STXBP6: variants seen among roughly 807,000 people sequenced by gnomAD.
The protein encoded by STXBP6 is syntaxin-binding protein 6.
STXBP6 carries 21 observed loss-of-function variants against 26.9 expected under a neutral mutation model. The observed-to-expected ratio is 0.78, with a 90% confidence interval of 0.55 to 1.12. STXBP6 has a LOEUF of 1.12. STXBP6 is among the 50% of genes most tolerant of loss of function. STXBP6 has a pLI of 0.00. For missense variants in STXBP6, 232 were observed against 257.9 expected, an observed-to-expected ratio of 0.90 and a Z score of 0.69; for synonymous variants, 97 against 92.6, an observed-to-expected ratio of 1.05 and a Z score of -0.27.
intron 1 of STXBP6, among the ~76,000 whole-genome samples, chr14:25,008,419 G>A (rs2074953363): frequency 6.6e-6 from 1 of 152,132 alleles, no homozygotes; most frequent in African/African-American, 2.4e-5. Context: ...AAGAGGTCGA[G>A]GCTGTAGTGA....
chr14:24,944,681 A>G (rs2072918040), intron 2 of STXBP6, among the ~76,000 whole-genome samples: 1 of 152,174 alleles, frequency 6.6e-6, no homozygotes, highest in African/African-American at 2.4e-5. Flanking sequence ...TCATCACTAC[A>G]CTAGACTATG....
At chr14:24,847,726 A>G (rs2069011614) in intron 4 of STXBP6, among the ~76,000 whole-genome samples, 1 of 152,176 alleles carries the variant, frequency 6.6e-6, no homozygotes, top group Non-Finnish European at 1.5e-5. Flanking sequence ...TTGGTGGAAA[A>G]GGAATATTTC....
At chr14:25,003,746 T>G (rs2074823005) in intron 1 of STXBP6, among the ~76,000 whole-genome samples, 1 of 151,714 alleles carries the variant, frequency 6.6e-6, no homozygotes, top group Non-Finnish European at 1.5e-5. Context: ...CCTTCTTAAA[T>G]CTCATGCTGG....
In STXBP6 at chr14:24,811,055, T is replaced by C. The variant is rs1383651525; in HGVS notation, c.*1654A>G. On this transcript the variant is annotated 3_prime_UTR_variant, in exon 6 of 6. Transcript: ENST00000323944. ...ACCAAAAAGAAAGTATAAAATATTA[T>C]AGTTAACTTATACAGTTTATTAAAT... is the stretch of plus-strand genomic sequence containing the variant. The C allele has an allele frequency of 4.6e-5, 7 of 152,178 alleles. 1 individual carries two copies. Among genetic ancestry groups the C allele is most frequent in the Admixed American group, 1.3e-4 (2 of 15,282 alleles). The allele number at this position is 152,178 out of a possible 1,614,324, so 9.4% of individuals were successfully genotyped here. A position where few individuals can be genotyped will look rare whatever the true frequency, so the allele number is the denominator to read the frequency against.
Position 25,049,926 on chromosome 14 carries a change from C to T in STXBP6, c.-81G>A. 1 of 970,590 alleles carries T rather than the reference C, an allele frequency of 1.0e-6. No individual in the cohort carries two copies. Among genetic ancestry groups the T allele is most frequent in the Non-Finnish European group, 1.2e-6 (1 of 816,550 alleles). 60.1% of individuals were successfully genotyped at this position (970,590 alleles called of 1,614,324 possible). On this transcript the variant is annotated 5_prime_UTR_variant, in exon 1 of 6. Coordinates refer to ENST00000323944, the MANE Select transcript of STXBP6 (RefSeq NM_001394410.1). The surrounding 1 kb of genome is among the most constrained non-coding windows in gnomAD (Gnocchi z 5.6). The stretch of plus-strand genomic sequence containing the variant: ...GCCGTGCCAGTGCGCGGCACGCGTC[C>T]CAGAGCACGAGGCTCCTCCCCGGGG...
intron 2 of STXBP6, among the ~76,000 whole-genome samples, chr14:24,935,436 T>C (rs569415371): frequency 6.6e-6 from 1 of 152,238 alleles, no homozygotes; most frequent in Admixed American, 6.5e-5. Context: ...TAAATCCATA[T>C]ATATGATTCA....
At chr14:25,019,600 A>G (rs1343678994) in intron 1 of STXBP6, among the ~76,000 whole-genome samples, 1 of 152,216 alleles carries the variant, frequency 6.6e-6, no homozygotes, top group African/African-American at 2.4e-5. Context: ...TTCATTCCAC[A>G]GCAGATATCT....
chr14:24,963,537 C>A (rs918622665), intron 2 of STXBP6, among the ~76,000 whole-genome samples: 2 of 152,168 alleles, frequency 1.3e-5, no homozygotes, highest in African/African-American at 4.8e-5. Flanking sequence ...GTATGAAAAT[C>A]CTCAGAGAGG....
chr14:25,046,273 C>T (rs2075725639), intron 1 of STXBP6, among the ~76,000 whole-genome samples: 1 of 152,178 alleles, frequency 6.6e-6, no homozygotes, highest in African/African-American at 2.4e-5. Context: ...ATGTTCCCTA[C>T]TTATACTAAG....
In STXBP6 at chr14:24,862,142, A is replaced by C. The variant is rs1306798316; in HGVS notation, c.155-4985T>G. On this transcript the variant is annotated intron_variant, in intron 2 of 5. Transcript: ENST00000323944. ...CCTCCCAACTAGCTGGGACTACAAC[A>C]CATGTGTGCCACTACACCCAGCTAA... Among the ~76,000 whole-genome samples the C allele has an allele frequency of 2.6e-5, 4 of 152,038 alleles. 1 individual carries two copies. The highest frequency in any genetic ancestry group is 5.9e-5 in the Non-Finnish European group (4 of 68,004).
chr14:24,889,592 A>T (rs1595051449), intron 2 of STXBP6, among the ~76,000 whole-genome samples: 1 of 152,110 alleles, frequency 6.6e-6, no homozygotes, highest in East Asian at 1.9e-4. Flanking sequence ...AGAAAAAAAA[A>T]GAATACCCAG....
chr14:24,943,402 A>G (rs1442617710), intron 2 of STXBP6, among the ~76,000 whole-genome samples: 2 of 152,224 alleles, frequency 1.3e-5, no homozygotes, highest in East Asian at 3.8e-4. Flanking sequence ...GAAAAAAATA[A>G]ACTGACTTAC....
At chr14:24,982,108 CACT>C (rs749010608) in intron 1 of STXBP6, among the ~76,000 whole-genome samples, 1 of 152,170 alleles carries the variant, frequency 6.6e-6, no homozygotes, top group Non-Finnish European at 1.5e-5. Flanking sequence ...CTTCGTACTC[CACT>C]AAAATCTCAG....
chr14:25,032,357 T>C lies in STXBP6; in HGVS notation c.-33+17521A>G. 1.3e-5 allele frequency among the ~76,000 whole-genome samples: 2 copies of C among 152,194 alleles called. 1 individual carries two copies. Among genetic ancestry groups the C allele is most frequent in the Middle Eastern group, 6.3e-3 (2 of 316 alleles). On this transcript the variant is annotated intron_variant, in intron 1 of 5. Transcript: ENST00000323944. ...TTTGTCCTCAGTCCACACTCAGCCCTGGGGTTGTGACTTGAGCACCCCAAG... is the reference window on the plus strand; with the variant it reads ...TTTGTCCTCAGTCCACACTCAGCCCCGGGGTTGTGACTTGAGCACCCCAAG...
At chr14:24,821,805 A>G (rs943463959) in intron 4 of STXBP6, among the ~76,000 whole-genome samples, 2 of 152,202 alleles carry the variant, frequency 1.3e-5, no homozygotes, top group Non-Finnish European at 2.9e-5. Context: ...ATGACTTCCC[A>G]GCTGGATTAC....
intron 1 of STXBP6, among the ~76,000 whole-genome samples, chr14:24,996,689 T>TA (rs1309454667): frequency 2.0e-5 from 3 of 151,070 alleles, no homozygotes; most frequent in Admixed American, 1.3e-4. Flanking sequence ...CCGTCTCTAC[T>TA]AAAAAAAATT....
chr14:24,880,400 C>G (rs1241644), intron 2 of STXBP6, among the ~76,000 whole-genome samples: 129 of 152,072 alleles, frequency 8.5e-4, no homozygotes, highest in African/African-American at 3.0e-3. Context: ...AGTTCATGTC[C>G]ACATGTTTAC....
intron 4 of STXBP6, among the ~76,000 whole-genome samples, chr14:24,840,318 TGTGACAG>T (rs1194244973): frequency 2.6e-5 from 4 of 152,224 alleles, no homozygotes; most frequent in African/African-American, 4.8e-5. Flanking sequence ...GGGCTGTGTA[TGTGACAG>T]AGGCCTCTTG....
chr14:24,939,073 G>C (rs2072707314), intron 2 of STXBP6, among the ~76,000 whole-genome samples: 1 of 152,160 alleles, frequency 6.6e-6, no homozygotes, highest in African/African-American at 2.4e-5. Flanking sequence ...AGAATTCAAT[G>C]AAAAGAAATT....
Sources: allele counts gnomAD v4.1 joint callset (sites outside exome capture counted in the v4.1 genomes callset), GRCh38; gene constraint gnomAD v4.1.1; non-coding constraint Gnocchi (gnomAD v3.1); transcripts MANE v1.5; gene names NCBI Gene and HGNC (gene_info 2026-07-23, HGNC 2026-07-21).